Variants in OSBPL8 observed in about 807,000 individuals in gnomAD.
OSBPL8 encodes the protein oxysterol binding protein like 8, also known as oxysterol-binding protein-related protein 8.
OSBPL8 carries 59 observed loss-of-function variants against 125.5 expected under a neutral mutation model. The observed-to-expected ratio is 0.47, with a 90% confidence interval of 0.38 to 0.58. The LOEUF (loss-of-function observed/expected upper bound fraction) is 0.58. Ranked by LOEUF, OSBPL8 falls within the 20% of genes least tolerant of loss-of-function variation. OSBPL8 has a pLI of 0.00. For synonymous variants in OSBPL8, 330 were observed against 338.9 expected, an observed-to-expected ratio of 0.97 and a Z score of 0.29; for missense variants, 758 against 1,047.8, an observed-to-expected ratio of 0.72 and a Z score of 3.82.
chr12:76,388,585 A>G (rs1170711600), intron 12 of OSBPL8, among the ~76,000 whole-genome samples: 1 of 152,204 alleles, frequency 6.6e-6, no homozygotes, highest in Non-Finnish European at 1.5e-5. Context: ...ACTTTTTGTC[A>G]ATGTGGTGGA....
intron 1 of OSBPL8, among the ~76,000 whole-genome samples, chr12:76,508,008 T>C (rs996962590): frequency 1.3e-5 from 2 of 151,398 alleles, no homozygotes; most frequent in East Asian, 2.0e-4. Context: ...CTGTCTCTAC[T>C]AAAAATACAA....
At chr12:76,422,887 A>C (rs528883565) in intron 4 of OSBPL8, 1 of 215,428 alleles carries the variant, frequency 4.6e-6, no homozygotes, top group East Asian at 9.3e-5. Context: ...TAAAAAAAGG[A>C]ACTGATAAAC....
intron 1 of OSBPL8, among the ~76,000 whole-genome samples, chr12:76,520,240 G>T (rs1881941285): frequency 6.6e-6 from 1 of 151,392 alleles, no homozygotes; most frequent in African/African-American, 2.4e-5. Context: ...AAACAAAAAA[G>T]AAAGAAAGAA....
intron 1 of OSBPL8, among the ~76,000 whole-genome samples, chr12:76,536,059 G>T (rs1038597893): frequency 2.0e-5 from 3 of 151,794 alleles, no homozygotes; most frequent in Non-Finnish European, 4.4e-5. Flanking sequence ...AGTAGTTTGG[G>T]TTTTTTTTAG....
At chr12:76,499,321 T>TCTAC (rs1039142352) in intron 1 of OSBPL8, among the ~76,000 whole-genome samples, 5 of 111,604 alleles carry the variant, frequency 4.5e-5, no homozygotes, top group Admixed American at 8.6e-5. Context: ...TATCTATCTA[T>TCTAC]CTATCTATCT....
chr12:76,380,974 G>A (rs1254951780), intron 15 of OSBPL8, among the ~76,000 whole-genome samples: 3 of 151,996 alleles, frequency 2.0e-5, no homozygotes, highest in African/African-American at 4.8e-5. Context: ...CATATCTATC[G>A]AAATCACACT....
intron 4 of OSBPL8, among the ~76,000 whole-genome samples, chr12:76,433,880 C>A (rs1248714712): frequency 1.4e-5 from 2 of 147,072 alleles, no homozygotes; most frequent in Non-Finnish European, 3.0e-5. Context: ...GAGGCTGACA[C>A]AGGATAATTG....
At chr12:76,384,125 T>C (rs1274684167) in intron 15 of OSBPL8, 129 bp downstream of exon 15, 1 of 463,052 alleles carries the variant, frequency 2.2e-6, no homozygotes, top group Non-Finnish European at 3.8e-6. Flanking sequence ...AAAGCCATTA[T>C]TCAAGGAAAG....
intron 2 of OSBPL8, among the ~76,000 whole-genome samples, chr12:76,484,368 G>A (rs537795190): frequency 1.1e-4 from 16 of 152,310 alleles, no homozygotes; most frequent in African/African-American, 3.4e-4. Context: ...CTACTCTAGT[G>A]TGGAGCAATC....
chr12:76,494,414 T>G (rs571749839), intron 1 of OSBPL8, among the ~76,000 whole-genome samples: 1 of 152,314 alleles, frequency 6.6e-6, no homozygotes, highest in Non-Finnish European at 1.5e-5. Context: ...TCTGAGATTT[T>G]TAGTTTCTCT....
intron 11 of OSBPL8, 155 bp from the exon 12 acceptor site, chr12:76,389,984 T>C (rs773473322): frequency 5.7e-5 from 31 of 543,510 alleles, no homozygotes; most frequent in Non-Finnish European, 7.4e-5. Context: ...TCTATAGCTA[T>C]AAAACTTAGG....
At chr12:76,452,708 A>T (rs1004339557) in intron 3 of OSBPL8, among the ~76,000 whole-genome samples, 2 of 152,186 alleles carry the variant, frequency 1.3e-5, no homozygotes, top group African/African-American at 4.8e-5. Flanking sequence ...GAAATTCAAC[A>T]CAGTCTGGCC....
At chr12:76,500,557 A>G (rs1592798457) in intron 1 of OSBPL8, among the ~76,000 whole-genome samples, 1 of 152,268 alleles carries the variant, frequency 6.6e-6, no homozygotes, top group East Asian at 1.9e-4. Context: ...TATCTTCCCT[A>G]TAAGATTATA....
intron 2 of OSBPL8, among the ~76,000 whole-genome samples, chr12:76,464,543 T>C (rs1406794881): frequency 6.6e-6 from 1 of 152,210 alleles, no homozygotes; most frequent in East Asian, 1.9e-4. Context: ...TTTTATTTTA[T>C]TGTATGTCTA....
chr12:76,428,953 CCT>C (rs1870488310), intron 4 of OSBPL8, among the ~76,000 whole-genome samples: 1 of 151,994 alleles, frequency 6.6e-6, no homozygotes, highest in African/African-American at 2.4e-5. Context: ...CAATGATAAG[CCT>C]CTCTGTCAAT....
intron 1 of OSBPL8, among the ~76,000 whole-genome samples, chr12:76,515,497 A>G (rs1000073098): frequency 7.9e-5 from 12 of 152,170 alleles, no homozygotes; most frequent in African/African-American, 2.7e-4. Flanking sequence ...AGTTGGTAGA[A>G]TCTTGCTCGG....
At chr12:76,555,901 C>T (rs573020751) in intron 1 of OSBPL8, among the ~76,000 whole-genome samples, 3 of 152,250 alleles carry the variant, frequency 2.0e-5, no homozygotes, top group Non-Finnish European at 2.9e-5. Context: ...ACTTACTGTG[C>T]TTTATCTGAC....
At chr12:76,471,953 C>G (rs1033513003) in intron 2 of OSBPL8, among the ~76,000 whole-genome samples, 1 of 152,204 alleles carries the variant, frequency 6.6e-6, no homozygotes, top group Non-Finnish European at 1.5e-5. Flanking sequence ...TTTTTTGATA[C>G]TGACTTTTCA....
At chr12:76,430,250 G>C (rs1870651897) in intron 4 of OSBPL8, among the ~76,000 whole-genome samples, 1 of 152,072 alleles carries the variant, frequency 6.6e-6, no homozygotes, top group South Asian at 2.1e-4. Context: ...TTCAGAGATA[G>C]GCTTGCTTGA....
Sources: gnomAD v4.1 joint callset for allele counts (sites outside exome capture counted in the v4.1 genomes callset) on GRCh38, gnomAD v4.1.1 for gene constraint, MANE v1.5 for transcripts, NCBI Gene and HGNC (gene_info 2026-07-23, HGNC 2026-07-21) for gene names.